PAPPA2: variants seen among roughly 807,000 people sequenced by gnomAD.
PAPPA2 encodes pappalysin-2.
Under a neutral mutation model 176.4 loss-of-function variants are expected in PAPPA2, and 86 were observed. That is an observed-to-expected ratio of 0.49 (90% CI 0.41 to 0.58). The LOEUF (loss-of-function observed/expected upper bound fraction) is 0.58. Ranked by LOEUF, PAPPA2 falls within the 20% of genes least tolerant of loss-of-function variation. The pLI, the probability that PAPPA2 is intolerant of heterozygous loss-of-function variation, is 0.00. For missense variants in PAPPA2, 2,073 were observed against 2,256.9 expected (o/e 0.92, Z 1.65); for synonymous variants, 809 against 852.2 (o/e 0.95, Z 0.88).
At chr1:176,634,966 A>AATAGATAG (rs3979574) in intron 3 of PAPPA2, among the ~76,000 whole-genome samples, 2,638 of 135,214 alleles carry the variant, frequency 0.02, 22 homozygotes, top group East Asian at 0.03. Flanking sequence ...TAGATAGATA[A>AATAGATAG]ATAGATAGAT....
intron 1 of PAPPA2, among the ~76,000 whole-genome samples, chr1:176,508,944 C>G (rs1373547957): frequency 1.3e-5 from 2 of 151,976 alleles, no homozygotes; most frequent in Non-Finnish European, 2.9e-5. Flanking sequence ...ATAAATTACT[C>G]AGTCTCAGGT....
At chr1:176,511,563 G>T (rs1648599098) in intron 1 of PAPPA2, among the ~76,000 whole-genome samples, 1 of 152,166 alleles carries the variant, frequency 6.6e-6, no homozygotes, top group African/African-American at 2.4e-5. Context: ...ACGGTACCTA[G>T]ATAACTGGTG....
chr1:176,581,444 G>T (rs191707420), intron 2 of PAPPA2, among the ~76,000 whole-genome samples: 1 of 152,232 alleles, frequency 6.6e-6, no homozygotes, highest in Admixed American at 6.5e-5. Flanking sequence ...GGCTATTTGA[G>T]GTCTTTTGCA....
chr1:176,823,657 C>CT (rs1258640354), intron 21 of PAPPA2, among the ~76,000 whole-genome samples: 4 of 152,166 alleles, frequency 2.6e-5, no homozygotes, highest in Non-Finnish European at 2.9e-5. Context: ...TGGTTGCCTC[C>CT]TTGAAGACAG....
Position 176,769,590 on chromosome 1 carries a change from A to G in PAPPA2, c.4324-17A>G, listed in dbSNP as rs1204361313. The G allele has an allele frequency of 6.2e-7, 1 of 1,611,930 alleles. No homozygotes were observed. The highest frequency in any genetic ancestry group is 1.3e-5 in the African/African-American group (1 of 74,930). On this transcript the variant is annotated splice_polypyrimidine_tract_variant and intron_variant, in intron 15 of 22. Transcript: ENST00000367662. ...CTTTTAATGTGACTTTGACAGAAGC[A>G]ATTTCTCTGTTTCTAGAAGGAAATT...
chr1:176,664,386 G>A (rs1436507142), intron 3 of PAPPA2, among the ~76,000 whole-genome samples: 1 of 152,118 alleles, frequency 6.6e-6, no homozygotes, highest in Non-Finnish European at 1.5e-5. Flanking sequence ...CTTCTTCAAA[G>A]CCTGCATTGT....
chr1:176,497,027 C>G (rs1029035070), intron 1 of PAPPA2, among the ~76,000 whole-genome samples: 1 of 152,236 alleles, frequency 6.6e-6, no homozygotes, highest in Middle Eastern at 3.4e-3. Flanking sequence ...ACATCTATTA[C>G]AATCCTATCC....
intron 4 of PAPPA2, among the ~76,000 whole-genome samples, chr1:176,681,995 A>G (rs1397781988): frequency 6.6e-6 from 1 of 152,186 alleles, no homozygotes; most frequent in African/African-American, 2.4e-5. Flanking sequence ...GGTGGCAGAA[A>G]CTAGCTTGGA....
At chr1:176,744,439 T>C (rs1433454973) in intron 14 of PAPPA2, among the ~76,000 whole-genome samples, 1 of 152,210 alleles carries the variant, frequency 6.6e-6, no homozygotes, top group East Asian at 1.9e-4. Flanking sequence ...GTTTATCCCA[T>C]GATCCTCAAA....
chr1:176,809,316 C>A (rs954278884), intron 21 of PAPPA2, among the ~76,000 whole-genome samples: 5 of 152,114 alleles, frequency 3.3e-5, no homozygotes, highest in Admixed American at 1.3e-4. Flanking sequence ...AAAGGTGGGG[C>A]CTTGGGACAA....
At chr1:176,508,839 C>A (rs906990385) in intron 1 of PAPPA2, among the ~76,000 whole-genome samples, 1 of 152,024 alleles carries the variant, frequency 6.6e-6, no homozygotes, top group East Asian at 1.9e-4. Context: ...GGAATATGTG[C>A]CTTGCTTCCC....
At chr1:176,650,849 T>G (rs574267717) in intron 3 of PAPPA2, among the ~76,000 whole-genome samples, 1 of 151,732 alleles carries the variant, frequency 6.6e-6, no homozygotes, top group Non-Finnish European at 1.5e-5. Flanking sequence ...TTTGTTGCTT[T>G]GTAATTTTCC....
At chr1:176,525,058 A>G (rs986380778) in intron 1 of PAPPA2, among the ~76,000 whole-genome samples, 1 of 152,132 alleles carries the variant, frequency 6.6e-6, no homozygotes, top group African/African-American at 2.4e-5. Context: ...AAAAAGTTAC[A>G]GCCTTAAAAT....
intron 3 of PAPPA2, among the ~76,000 whole-genome samples, chr1:176,649,782 T>C (rs1396124577): frequency 6.6e-6 from 1 of 151,568 alleles, no homozygotes; most frequent in Non-Finnish European, 1.5e-5. Context: ...TGATTTTGAG[T>C]TTTGAAATTT....
chr1:176,486,237 T>C (rs544319891), intron 1 of PAPPA2, among the ~76,000 whole-genome samples: 2 of 152,348 alleles, frequency 1.3e-5, no homozygotes, highest in Admixed American at 1.3e-4. Flanking sequence ...ATAATCCTTA[T>C]GCCAAAGTAG....
chr1:176,580,694 C>A (rs570275645), intron 2 of PAPPA2, among the ~76,000 whole-genome samples: 78 of 151,842 alleles, frequency 5.1e-4, no homozygotes, highest in Non-Finnish European at 9.3e-4. Context: ...AAAATGATAT[C>A]TTATTGTGAT....
chr1:176,484,585 A>AT (rs1399389043), intron 1 of PAPPA2, among the ~76,000 whole-genome samples: 3 of 152,228 alleles, frequency 2.0e-5, no homozygotes, highest in African/African-American at 7.2e-5. Context: ...TTCTATTGAT[A>AT]TTTCATCAAG....
intron 3 of PAPPA2, among the ~76,000 whole-genome samples, chr1:176,629,974 G>A (rs979980333): frequency 9.2e-5 from 14 of 151,992 alleles, no homozygotes; most frequent in East Asian, 3.9e-4. Context: ...CAGGAGAATC[G>A]CTTGAACCCA....
chr1:176,745,043 C>T (rs1662844613), intron 14 of PAPPA2, among the ~76,000 whole-genome samples: 1 of 152,138 alleles, frequency 6.6e-6, no homozygotes, highest in African/African-American at 2.4e-5. Flanking sequence ...TATTCCCCAT[C>T]TTTATTTTTT....
Sources: allele counts gnomAD v4.1 joint callset (sites outside exome capture counted in the v4.1 genomes callset), GRCh38; gene constraint gnomAD v4.1.1; transcripts MANE v1.5; gene names NCBI Gene and HGNC (gene_info 2026-07-23, HGNC 2026-07-21).